The following KATNBL1 variants were observed in gnomAD, a reference collection of about 807,000 sequenced individuals.
The protein encoded by KATNBL1 is KATNB1-like protein 1.
A neutral mutation model predicts 44.7 loss-of-function variants in KATNBL1; 28 were observed. That is an observed-to-expected ratio of 0.63 (90% confidence interval 0.46 to 0.86). The LOEUF (loss-of-function observed/expected upper bound fraction) is 0.86. Ranked by LOEUF, KATNBL1 falls within the 40% of genes least tolerant of loss-of-function variation. KATNBL1 has a pLI of 0.00. For missense variants in KATNBL1, 272 were observed against 350.7 expected (o/e 0.78, Z 1.79); for synonymous variants, 78 against 114.9 (o/e 0.68, Z 2.06).
chr15:34,151,419 A>G (rs979201604), intron 4 of KATNBL1, among the ~76,000 whole-genome samples: 1 of 54,012 alleles, frequency 1.9e-5, no homozygotes, highest in Non-Finnish European at 4.4e-5. Context: ...AAAAGTGTCT[A>G]TTGTGTCCTT....
chr15:34,188,254 G>A (rs1889778876), intron 1 of KATNBL1, among the ~76,000 whole-genome samples: 1 of 149,288 alleles, frequency 6.7e-6, no homozygotes, highest in African/African-American at 2.5e-5. Flanking sequence ...AGCTGTTAAA[G>A]GCTATAAATA....
chr15:34,202,565 G>A (rs1340249273), intron 1 of KATNBL1, among the ~76,000 whole-genome samples: 1 of 152,160 alleles, frequency 6.6e-6, no homozygotes, highest in Non-Finnish European at 1.5e-5. Flanking sequence ...GTATATTAAG[G>A]TTTGAAAATG....
rs1888148170 is a variant in KATNBL1 at position 34,141,457 on chromosome 15, A to G, written c.*882T>C. The G allele has an allele frequency of 6.6e-6, 1 of 152,612 alleles. No individual in the cohort carries two copies. Among genetic ancestry groups the G allele is most frequent in the Non-Finnish European group, 1.5e-5 (1 of 67,992 alleles). The allele number at this position is 152,612 out of a possible 1,614,324, so 9.5% of individuals were successfully genotyped here. Reference sequence around the variant, plus strand: ...AGTTTAAATGATACAGGAATGAAAAATATTAGAAATCTATGTACAATAAAA... The same window carrying G: ...AGTTTAAATGATACAGGAATGAAAAGTATTAGAAATCTATGTACAATAAAA... On this transcript the variant is annotated 3_prime_UTR_variant, in exon 10 of 10. Coordinates refer to ENST00000256544, the MANE Select transcript of KATNBL1 (RefSeq NM_024713.3).
chr15:34,184,130 C>T (rs554151038), intron 1 of KATNBL1, among the ~76,000 whole-genome samples: 94 of 152,222 alleles, frequency 6.2e-4, no homozygotes, highest in African/African-American at 2.2e-3. Flanking sequence ...GGTGAAACCC[C>T]GTCTCTACTG....
At position 34,183,214 on chromosome 15, in the gene KATNBL1, T is replaced by C. The variant is rs375225682; in HGVS notation, c.-14-19524A>G. The stretch of plus-strand genomic sequence containing the variant: ...CGGTTTTGTTTGCTCCTCTCAGCTG[T>C]GTGGGCTGGGTCTGACCCTGCAGAC... On this transcript the variant is annotated intron_variant, in intron 1 of 9. Coordinates refer to ENST00000256544, the MANE Select transcript of KATNBL1 (RefSeq NM_024713.3). Among the ~76,000 whole-genome samples the C allele has an allele frequency of 5.3e-5, 8 of 152,324 alleles. No homozygotes were observed. In the South Asian group the frequency reaches 1.0e-3, roughly 20 times the overall value.
chr15:34,204,484 T>C (rs1338041035), intron 1 of KATNBL1, among the ~76,000 whole-genome samples: 2 of 152,258 alleles, frequency 1.3e-5, no homozygotes, highest in Non-Finnish European at 2.9e-5. Flanking sequence ...GCCTTCCGTA[T>C]TCATGGCTTC....
At chr15:34,147,890 C>G (rs1161077271) in intron 5 of KATNBL1, among the ~76,000 whole-genome samples, 4 of 151,842 alleles carry the variant, frequency 2.6e-5, no homozygotes, top group Non-Finnish European at 4.4e-5. Context: ...TTTTAAGAAA[C>G]GGGTCTCATT....
chr15:34,150,577 G>A (rs574074108), intron 4 of KATNBL1, among the ~76,000 whole-genome samples: 1 of 152,342 alleles, frequency 6.6e-6, no homozygotes, highest in South Asian at 2.1e-4. Flanking sequence ...CTGGGTGATA[G>A]AGCGAGAGAC....
Position 34,163,566 on chromosome 15 carries a change from C to T in KATNBL1, c.111G>A (p.Met37Ile). 1 of 1,595,924 alleles carries T rather than the reference C, an allele frequency of 6.3e-7. No individual in the cohort carries two copies. The highest frequency in any genetic ancestry group is 8.5e-7 in the Non-Finnish European group (1 of 1,175,644). The change falls in exon 2 of 10, where the codon ATG becomes ATA. Residue 37 changes from methionine (M) to isoleucine (I), a missense_variant. By Grantham distance (10) the Met-to-Ile change is conservative. Coordinates refer to ENST00000256544, the MANE Select transcript of KATNBL1 (RefSeq NM_024713.3). ...KKISNFTNKN[M>I]KEVKKSPKQL... ...CTAGAAACCATAGACTTACCTCCTT[C>T]ATGTTCTTATTAGTGAAATTAGAGA... is the stretch of plus-strand genomic sequence containing the variant.
chr15:34,195,809 G>A (rs1890015619), intron 1 of KATNBL1, among the ~76,000 whole-genome samples: 1 of 151,836 alleles, frequency 6.6e-6, no homozygotes, highest in Admixed American at 6.6e-5. Flanking sequence ...TTCCTCAAAA[G>A]CAATTCTATT....
intron 1 of KATNBL1, among the ~76,000 whole-genome samples, chr15:34,206,265 A>G (rs551063604): frequency 6.6e-6 from 1 of 152,312 alleles, no homozygotes; most frequent in South Asian, 2.1e-4. Context: ...GCTCAAGGCA[A>G]AAAGAATTTC....
chr15:34,147,463 A>G (rs780394428), intron 5 of KATNBL1, 33 bp from the exon 6 acceptor site: 1 of 1,537,066 alleles, frequency 6.5e-7, no homozygotes, highest in Non-Finnish European at 8.9e-7. Flanking sequence ...ATTGCCTTAG[A>G]GAGCTGATTT....
In KATNBL1 at chr15:34,148,663, T is replaced by G. The variant is rs1415690615; in HGVS notation, c.526A>C (p.Ser176Arg). 6.2e-7 allele frequency: 1 copy of G among 1,604,280 alleles called. No individual in the cohort carries two copies. The highest frequency in any genetic ancestry group is 8.5e-7 in the Non-Finnish European group (1 of 1,171,228). The change falls in exon 5 of 10, where the codon AGT becomes CGT. Residue 176 changes from serine (S) to arginine (R), a missense_variant. By Grantham distance (110) the Ser-to-Arg change is moderately radical. This residue lies in a region of KATNBL1 where 111 missense variants were observed against 149.3 expected (regional missense o/e 0.74). Coordinates refer to ENST00000256544, the MANE Select transcript of KATNBL1 (RefSeq NM_024713.3). Reference sequence around the variant, plus strand: ...AAATAAGCTACAAGTTCACTTATACTTCTCTTTCTCCAGAAAGTTAAAGCT... The same window carrying G: ...AAATAAGCTACAAGTTCACTTATACGTCTCTTTCTCCAGAAAGTTAAAGCT... ...NVALTFWRKR[S>R]ISELVAYLLR...
At chr15:34,209,495 G>A (rs944927709) in intron 1 of KATNBL1, 1 of 152,146 alleles carries the variant, frequency 6.6e-6, no homozygotes, top group Admixed American at 6.5e-5. Context: ...TCAAGTTTTT[G>A]TCCTGCGAAA....
chr15:34,184,515 CATTGTAAG>C lies in KATNBL1; in HGVS notation c.-14-20833_-14-20826del, dbSNP rs1463769823. ...AAAAAAAAAAAGGAACTCCTAAACT[CATTGTAAG>C]TATCCTTAAACATAGCTTTTGGTAT... is the stretch of plus-strand genomic sequence containing the variant. On this transcript the variant is annotated intron_variant, in intron 1 of 9. Transcript: ENST00000256544. Among the ~76,000 whole-genome samples the C allele has an allele frequency of 8.1e-5, 12 of 147,990 alleles. No homozygotes were observed. The East Asian group carries it at 2.4e-3, about 29-fold the overall frequency.
At chr15:34,166,269 A>C (rs1212683801) in intron 1 of KATNBL1, among the ~76,000 whole-genome samples, 1 of 152,274 alleles carries the variant, frequency 6.6e-6, no homozygotes, top group African/African-American at 2.4e-5. Context: ...AGCAAATGGC[A>C]GACCAGGAGA....
At chr15:34,148,104 A>G (rs368391593) in intron 5 of KATNBL1, among the ~76,000 whole-genome samples, 1 of 152,042 alleles carries the variant, frequency 6.6e-6, no homozygotes, top group Non-Finnish European at 1.5e-5. Flanking sequence ...TCTCACCTCA[A>G]CCTTCCCAAA....
At chr15:34,162,505 G>C (rs1203019515) in intron 2 of KATNBL1, among the ~76,000 whole-genome samples, 1 of 152,132 alleles carries the variant, frequency 6.6e-6, no homozygotes, top group Non-Finnish European at 1.5e-5. Flanking sequence ...CATGAAAACG[G>C]AATAATACAA....
rs1376357298 is a variant in KATNBL1 at position 34,163,702 on chromosome 15, A to G, written c.-14-12T>C. The stretch of plus-strand genomic sequence containing the variant: ...AATCTCTTAAGTACCTAGACAATAA[A>G]ATAAAATAGAAAATTAAAACAGCAA... On this transcript the variant is annotated splice_polypyrimidine_tract_variant and intron_variant, in intron 1 of 9. Transcript: ENST00000256544. 1 of 1,417,114 alleles carries G rather than the reference A, an allele frequency of 7.1e-7. No homozygotes were observed. Among genetic ancestry groups the G allele is most frequent in the East Asian group, 2.4e-5 (1 of 41,358 alleles). The allele number at this position is 1,417,114 out of a possible 1,614,324, so 87.8% of individuals were successfully genotyped here.
Sources: allele counts gnomAD v4.1 joint callset (sites outside exome capture counted in the v4.1 genomes callset), GRCh38; gene constraint gnomAD v4.1.1; regional missense constraint gnomAD v4.1.1; transcripts MANE v1.5; gene names NCBI Gene and HGNC (gene_info 2026-07-23, HGNC 2026-07-21).